Variants in KCTD16 observed in about 807,000 individuals in gnomAD.
KCTD16 encodes the protein BTB/POZ domain-containing protein KCTD16.
A neutral mutation model predicts 33.2 loss-of-function variants in KCTD16; 13 were observed. The ratio of observed to expected loss-of-function variants is 0.39; its 90% CI spans 0.25 to 0.62. The LOEUF (loss-of-function observed/expected upper bound fraction) is 0.62. Ranked by LOEUF, KCTD16 falls within the 20% of genes least tolerant of loss-of-function variation. The probability of loss-of-function intolerance (pLI) is 0.50; values close to 1 mark genes in which losing one functional copy is unlikely to be tolerated. For synonymous variants in KCTD16, 197 were observed against 195.3 expected, an observed-to-expected ratio of 1.01 and a Z score of -0.07; for missense variants, 441 against 525.1, an observed-to-expected ratio of 0.84 and a Z score of 1.57.
chr5:144,456,050 T>C (rs1029684744), intron 3 of KCTD16, among the ~76,000 whole-genome samples: 11 of 152,166 alleles, frequency 7.2e-5, no homozygotes, highest in African/African-American at 2.7e-4. Flanking sequence ...GATCTTCTAC[T>C]TGTAGCTATA....
chr5:144,256,908 A>T (rs1233714931), intron 3 of KCTD16, among the ~76,000 whole-genome samples: 1 of 152,196 alleles, frequency 6.6e-6, no homozygotes, highest in African/African-American at 2.4e-5. Context: ...CAGAATTTGA[A>T]AAGTGGTTTA....
intron 3 of KCTD16, among the ~76,000 whole-genome samples, chr5:144,236,122 A>G (rs1754246114): frequency 1.3e-5 from 2 of 152,162 alleles, no homozygotes; most frequent in Admixed American, 1.3e-4. Context: ...CTGAAGATAG[A>G]TAAAAAAATT....
chr5:144,310,728 A>G (rs1313578988), intron 3 of KCTD16, among the ~76,000 whole-genome samples: 4 of 152,106 alleles, frequency 2.6e-5, no homozygotes, highest in African/African-American at 9.7e-5. Flanking sequence ...TTGAGTTGGC[A>G]CTATTTTTTT....
intron 3 of KCTD16, among the ~76,000 whole-genome samples, chr5:144,422,310 A>C (rs1753229444): frequency 6.6e-6 from 1 of 152,098 alleles, no homozygotes; most frequent in South Asian, 2.1e-4. Context: ...TTGTGTGTTG[A>C]TTTGGGAATT....
At chr5:144,276,901 TAA>T (rs5871872) in intron 3 of KCTD16, among the ~76,000 whole-genome samples, 4 of 140,078 alleles carry the variant, frequency 2.9e-5, no homozygotes, top group African/African-American at 8.0e-5. Flanking sequence ...AAACCCTGTC[TAA>T]AAAAAAAAAA....
chr5:144,310,208 A>G (rs1389817120), intron 3 of KCTD16, among the ~76,000 whole-genome samples: 1 of 152,130 alleles, frequency 6.6e-6, no homozygotes, highest in African/African-American at 2.4e-5. Flanking sequence ...AATTCCATCC[A>G]TGTTGCTACA....
In KCTD16 at chr5:144,401,458, T is replaced by TA. The variant is rs545538184; in HGVS notation, c.833-72195dup. On this transcript the variant is annotated intron_variant, in intron 3 of 3. Coordinates refer to ENST00000512467, the MANE Select transcript of KCTD16 (RefSeq NM_020768.4). ...CATAAATGCACAAACCAATATGTAT[T>TA]AAAAAAAGTTAAAGACATACCAATC... Among the ~76,000 whole-genome samples the TA allele has an allele frequency of 4.7e-4, 72 of 152,230 alleles. 1 individual carries two copies. The East Asian group carries it at 0.013, about 27-fold the overall frequency.
At chr5:144,263,241 A>G (rs1755058863) in intron 3 of KCTD16, among the ~76,000 whole-genome samples, 1 of 152,224 alleles carries the variant, frequency 6.6e-6, no homozygotes, top group Non-Finnish European at 1.5e-5. Flanking sequence ...TTCCCACAGC[A>G]TGGGAGATGT....
intron 3 of KCTD16, among the ~76,000 whole-genome samples, chr5:144,266,275 A>C (rs1242216624): frequency 6.6e-6 from 1 of 152,160 alleles, no homozygotes; most frequent in Non-Finnish European, 1.5e-5. Flanking sequence ...ACCTGGGGGA[A>C]ATAAAAAACT....
chr5:144,272,411 C>G (rs1755323754), intron 3 of KCTD16, among the ~76,000 whole-genome samples: 1 of 151,882 alleles, frequency 6.6e-6, no homozygotes, highest in Non-Finnish European at 1.5e-5. Context: ...GCCTGGGCAA[C>G]AAGAGTGAAA....
intron 3 of KCTD16, among the ~76,000 whole-genome samples, chr5:144,314,199 A>G (rs1355272850): frequency 6.6e-6 from 1 of 152,206 alleles, no homozygotes; most frequent in African/African-American, 2.4e-5. Context: ...AGATCAATAC[A>G]AATATTATAA....
At chr5:144,360,471 G>A (rs1458734808) in intron 3 of KCTD16, among the ~76,000 whole-genome samples, 2 of 149,288 alleles carry the variant, frequency 1.3e-5, no homozygotes, top group East Asian at 2.0e-4. Context: ...TCGCTCTGTT[G>A]CCCAGGCTGG....
intron 3 of KCTD16, among the ~76,000 whole-genome samples, chr5:144,304,428 T>G (rs1751534925): frequency 6.6e-6 from 1 of 151,992 alleles, no homozygotes; most frequent in Non-Finnish European, 1.5e-5. Context: ...GGGAAGCACC[T>G]AGAGGTTAAG....
rs1304648562 is a variant in KCTD16, at chr5:144,475,625, A to G, written c.*1511A>G. 5.2e-5 allele frequency: 8 copies of G among 152,630 alleles called. No homozygotes were observed. Among genetic ancestry groups the G allele is most frequent in the African/African-American group, 1.9e-4 (8 of 41,456 alleles). The allele number at this position is 152,630 out of a possible 1,614,324, so 9.5% of individuals were successfully genotyped here. On this transcript the variant is annotated 3_prime_UTR_variant, in exon 4 of 4. Coordinates refer to ENST00000512467, the MANE Select transcript of KCTD16 (RefSeq NM_020768.4). ...GTGGTAACCAAAAAATAATTTGTCA[A>G]TTAATAGTTGTGTGCCAAGCACTCC...
In KCTD16 at chr5:144,480,152, CAT is replaced by C. The variant is rs1491491936; in HGVS notation, c.*6039_*6040del. The C allele has an allele frequency of 5.3e-5, 8 of 151,868 alleles. No homozygotes were observed. The highest frequency in any genetic ancestry group is 1.9e-4 in the African/African-American group (8 of 41,368). The allele number at this position is 151,868 out of a possible 1,614,324, so 9.4% of individuals were successfully genotyped here. ...GTTGCTTTCAAATTACATTAGTGTG[CAT>C]GTGTGTGTGTGCACATGGCCATGTG... On this transcript the variant is annotated 3_prime_UTR_variant, in exon 4 of 4. Transcript: ENST00000512467.
chr5:144,429,722 T>C (rs1753415179), intron 3 of KCTD16, among the ~76,000 whole-genome samples: 1 of 151,990 alleles, frequency 6.6e-6, no homozygotes, highest in African/African-American at 2.4e-5. Flanking sequence ...AAAGTTGGTA[T>C]TATGAGTGAG....
intron 2 of KCTD16, among the ~76,000 whole-genome samples, chr5:144,197,363 A>G (rs6894738): frequency 0.45 from 68,854 of 151,946 alleles, 16,516 homozygotes; most frequent in African/African-American, 0.62. Context: ...TAAACATTTC[A>G]CTTTTCACAT....
intron 3 of KCTD16, among the ~76,000 whole-genome samples, chr5:144,335,925 A>T (rs1315233765): frequency 6.6e-6 from 1 of 152,126 alleles, no homozygotes; most frequent in Non-Finnish European, 1.5e-5. Context: ...AGAACCTGAA[A>T]TTCCCTCATT....
At chr5:144,286,338 A>G (rs1755745602) in intron 3 of KCTD16, among the ~76,000 whole-genome samples, 1 of 152,138 alleles carries the variant, frequency 6.6e-6, no homozygotes, top group Admixed American at 6.5e-5. Flanking sequence ...TGTAATTTCT[A>G]CTGTCATTTT....
Sources: gnomAD v4.1 joint callset for allele counts (sites outside exome capture counted in the v4.1 genomes callset) on GRCh38, gnomAD v4.1.1 for gene constraint, MANE v1.5 for transcripts, NCBI Gene and HGNC (gene_info 2026-07-23, HGNC 2026-07-21) for gene names.